The following AFF4 variants were observed in gnomAD, a reference collection of about 807,000 sequenced individuals.
AFF4 encodes ALF transcription elongation factor 4.
Under a neutral mutation model 124.8 loss-of-function variants are expected in AFF4, and 13 were observed. That is an observed-to-expected ratio of 0.10 (90% CI 0.07 to 0.17). AFF4 has a LOEUF of 0.17. Among genes scored for constraint, AFF4 ranks in the 10% least tolerant of loss-of-function variants. The pLI is 1.00. For synonymous variants in AFF4, 477 were observed against 496.1 expected (o/e 0.96, Z 0.51); for missense variants, 1,092 against 1,403.8 (o/e 0.78, Z 3.55).
At chr5:132,939,216 C>CA (rs33952107) in intron 1 of AFF4, among the ~76,000 whole-genome samples, 51,345 of 122,848 alleles carry the variant, frequency 0.42, 10,502 homozygotes, top group East Asian at 0.61. Flanking sequence ...GACCCTTTCT[C>CA]AAAAAAAAAA....
chr5:132,957,600 G>C (rs1025214244), intron 1 of AFF4, among the ~76,000 whole-genome samples: 3 of 152,066 alleles, frequency 2.0e-5, no homozygotes, highest in Non-Finnish European at 2.9e-5. Context: ...GGGCATGGTG[G>C]CAGGCGCCTG....
Position 132,880,454 on chromosome 5 carries a change from C to A in AFF4, c.*605G>T. 1 of 397,730 alleles carries A rather than the reference C, an allele frequency of 2.5e-6. No individual in the cohort carries two copies. The highest frequency in any genetic ancestry group is 1.4e-4 in the South Asian group (1 of 7,276). The allele number at this position is 397,730 out of a possible 1,614,324, so 24.6% of individuals were successfully genotyped here. A position where few individuals can be genotyped will look rare whatever the true frequency, so the allele number is the denominator to read the frequency against. On this transcript the variant is annotated 3_prime_UTR_variant, in exon 21 of 21. Coordinates refer to ENST00000265343, the MANE Select transcript of AFF4 (RefSeq NM_014423.4). ...TTTTCTCATATTTAAGTGATTTTTT[C>A]ATGTGTAGAAGAATATCCTTAATAC...
In AFF4 at chr5:132,880,830, T is replaced by C; in HGVS notation, c.*229A>G. The C allele has an allele frequency of 2.6e-6, 1 of 385,530 alleles. No homozygotes were observed. Among genetic ancestry groups the C allele is most frequent in the Non-Finnish European group, 4.5e-6 (1 of 221,466 alleles). 23.9% of individuals were successfully genotyped at this position (385,530 alleles called of 1,614,324 possible). On this transcript the variant is annotated 3_prime_UTR_variant, in exon 21 of 21. Coordinates refer to ENST00000265343, the MANE Select transcript of AFF4 (RefSeq NM_014423.4). Reference sequence around the variant, plus strand: ...ATCATAGCTCACGGAAACCATCTTATCAATGTGCTGCAGATTTAAAAGCAT... The same window carrying C: ...ATCATAGCTCACGGAAACCATCTTACCAATGTGCTGCAGATTTAAAAGCAT...
intron 5 of AFF4, among the ~76,000 whole-genome samples, chr5:132,910,343 A>G (rs914457349): frequency 6.6e-6 from 1 of 152,046 alleles, no homozygotes; most frequent in Non-Finnish European, 1.5e-5. Context: ...GCTCTTTCAG[A>G]CTCGTCAATG....
chr5:132,878,877 G>A lies in AFF4; in HGVS notation c.*2182C>T, dbSNP rs1274084853. The A allele has an allele frequency of 4.5e-6, 1 of 223,336 alleles. No individual in the cohort carries two copies. The highest frequency in any genetic ancestry group is 8.9e-6 in the Non-Finnish European group (1 of 111,906). 13.8% of individuals were successfully genotyped at this position (223,336 alleles called of 1,614,324 possible). ...ATCCCACTGGCTGTTGTTGCTGAAA[G>A]TCTGAAAGCCCAGAGGATACTTTTT... is the stretch of plus-strand genomic sequence containing the variant. On this transcript the variant is annotated 3_prime_UTR_variant, in exon 21 of 21. Coordinates refer to ENST00000265343, the MANE Select transcript of AFF4 (RefSeq NM_014423.4).
At chr5:132,947,571 A>G (rs1761730368) in intron 1 of AFF4, among the ~76,000 whole-genome samples, 1 of 152,150 alleles carries the variant, frequency 6.6e-6, no homozygotes, top group Non-Finnish European at 1.5e-5. Flanking sequence ...AAGATTATTG[A>G]GTGATTTAAA....
chr5:132,928,632 C>A (rs1761234294), intron 4 of AFF4, among the ~76,000 whole-genome samples: 1 of 152,136 alleles, frequency 6.6e-6, no homozygotes, highest in Admixed American at 6.5e-5. Flanking sequence ...GACACCAACA[C>A]AGTACTGATT....
chr5:132,885,977 T>C (rs1760108593), intron 18 of AFF4, among the ~76,000 whole-genome samples: 2 of 152,164 alleles, frequency 1.3e-5, no homozygotes, highest in Admixed American at 1.3e-4. Context: ...TTTCACCATG[T>C]TGGCCAAGAT....
chr5:132,949,511 T>A (rs1420437089), intron 1 of AFF4, among the ~76,000 whole-genome samples: 2 of 151,842 alleles, frequency 1.3e-5, no homozygotes, highest in African/African-American at 4.8e-5. Context: ...ACCTCATCTC[T>A]TAAAAAATGT....
chr5:132,898,502 TA>T (rs1760469116), intron 9 of AFF4, 110 bp from the exon 10 acceptor site: 1 of 966,578 alleles, frequency 1.0e-6, no homozygotes, highest in East Asian at 2.7e-5. Flanking sequence ...TTTTTTTTTT[TA>T]GACGGAGTCT....
chr5:132,924,712 A>C (rs1454053183), intron 5 of AFF4, among the ~76,000 whole-genome samples: 2 of 151,694 alleles, frequency 1.3e-5, no homozygotes. Flanking sequence ...AAAATTAGCC[A>C]GGCGTGGTGG....
At position 132,893,090 on chromosome 5, in the gene AFF4, C is replaced by T; in HGVS notation, c.2336G>A (p.Ser779Asn). ...CTTGTCCTCCGTTTTGGGTTTCTTGCTCTCACTGGCTCGGTTATCATCTTC... is the reference window on the plus strand; with the variant it reads ...CTTGTCCTCCGTTTTGGGTTTCTTGTTCTCACTGGCTCGGTTATCATCTTC... ...KNEDDNRASE[S>N]KKPKTEDKNS... The change falls in exon 12 of 21, where the codon AGC becomes AAC. Residue 779 changes from serine (S) to asparagine (N), a missense_variant. Coordinates refer to ENST00000265343, the MANE Select transcript of AFF4 (RefSeq NM_014423.4). 6.2e-7 allele frequency: 1 copy of T among 1,614,110 alleles called. No individual in the cohort carries two copies. Among genetic ancestry groups the T allele is most frequent in the Non-Finnish European group, 8.5e-7 (1 of 1,179,980 alleles).
In AFF4 at chr5:132,896,340, C is replaced by T; in HGVS notation, c.2290G>A (p.Gly764Ser). The T allele has an allele frequency of 3.1e-6, 5 of 1,594,274 alleles. No individual in the cohort carries two copies. The South Asian group carries it at 3.4e-5, about 11-fold the overall frequency. The change falls in exon 11 of 21, where the codon GGC (glycine) becomes AGC (serine). Residue 764 changes from glycine (G) to serine (S), a missense_variant. Physicochemically the swap from Gly to Ser is moderately conservative, Grantham distance 56. This residue lies in a region of AFF4 where 293 missense variants were observed against 280.2 expected (regional missense o/e 1.05). Coordinates refer to ENST00000265343, the MANE Select transcript of AFF4 (RefSeq NM_014423.4). ...TCACAAACCTTATGCTTCCTCTTGC[C>T]TTTGTTGGAAACTTTTTCTGAGGCT... ...KQASEKVSNK[G>S]KRKHKNEDDN...
At chr5:132,955,686 G>A (rs113862230) in intron 1 of AFF4, among the ~76,000 whole-genome samples, 1 of 149,404 alleles carries the variant, frequency 6.7e-6, no homozygotes, top group Non-Finnish European at 1.5e-5. Flanking sequence ...GCTGAGGCAG[G>A]AGAATCGCTT....
At chr5:132,947,772 T>C (rs1223734314) in intron 1 of AFF4, among the ~76,000 whole-genome samples, 3 of 152,164 alleles carry the variant, frequency 2.0e-5, no homozygotes, top group Admixed American at 2.0e-4. Context: ...AAGAGGTCAC[T>C]TCCTACAAGT....
chr5:132,963,160 G>A, intron 1 of AFF4, 99 bp downstream of exon 1: 1 of 372,576 alleles, frequency 2.7e-6, no homozygotes, highest in East Asian at 3.9e-5. Context: ...GTCTCCCCGA[G>A]GCTCCCCGCA....
intron 5 of AFF4, among the ~76,000 whole-genome samples, chr5:132,924,256 AAAAAAG>A (rs1042991241): frequency 2.6e-5 from 4 of 152,214 alleles, no homozygotes; most frequent in Admixed American, 2.0e-4. Flanking sequence ...TCTGTCTCAA[AAAAAAG>A]AAAAAGAAAA....
chr5:132,898,341 A>G lies in AFF4; in HGVS notation c.1278T>C (p.Asp426=). 5 of 1,614,224 alleles carry G rather than the reference A, an allele frequency of 3.1e-6. No homozygotes were observed. The highest frequency in any genetic ancestry group is 4.2e-6 in the Non-Finnish European group (5 of 1,180,028). The part of the protein sequence containing the change: ...HNSEGADNSR[D]DSSSHSGSES... Reference sequence around the variant, plus strand: ...CAGATCCACTGTGGCTACTAGAATCATCCCTGGAGTTATCTGCTCCTTCAC... The same window carrying G: ...CAGATCCACTGTGGCTACTAGAATCGTCCCTGGAGTTATCTGCTCCTTCAC... Residue 426 remains aspartate (D), a synonymous_variant, in exon 10 of 21, where the codon GAT becomes GAC. Coordinates refer to ENST00000265343, the MANE Select transcript of AFF4 (RefSeq NM_014423.4).
Position 132,896,449 on chromosome 5 carries a change from T to TTACAAA in AFF4, c.2180_2181insTTTGTA (p.Pro727_Gly728insLeuTer). On this transcript the variant is annotated stop_gained and inframe_insertion, in exon 11 of 21. Coordinates refer to ENST00000265343, the MANE Select transcript of AFF4 (RefSeq NM_014423.4). LOFTEE classifies it high-confidence loss of function. ...GCTCTGTTTCTTTGTAAGGCTTTCCTGGTATTCTAGTCAAAAGATTCAGGT... is the reference window on the plus strand; with the variant it reads ...GCTCTGTTTCTTTGTAAGGCTTTCCTTACAAAGGTATTCTAGTCAAAAGATTCAGGT... The TTACAAA allele has an allele frequency of 6.2e-7, 1 of 1,614,230 alleles. No individual in the cohort carries two copies. Among genetic ancestry groups the TTACAAA allele is most frequent in the Non-Finnish European group, 8.5e-7 (1 of 1,180,030 alleles).
Sources: gnomAD v4.1 joint callset for allele counts (sites outside exome capture counted in the v4.1 genomes callset) on GRCh38, gnomAD v4.1.1 for gene constraint, gnomAD v4.1.1 regional missense constraint, MANE v1.5 for transcripts, NCBI Gene and HGNC (gene_info 2026-07-23, HGNC 2026-07-21) for gene names.